Variants in ANK1 observed in about 807,000 individuals in gnomAD.
The protein encoded by ANK1 is ankyrin 1.
A neutral mutation model predicts 210.4 loss-of-function variants in ANK1; 51 were observed. The observed-to-expected ratio is 0.24, with a 90% confidence interval of 0.19 to 0.31. The LOEUF is 0.31. Ranked by LOEUF, ANK1 falls within the 10% of genes least tolerant of loss-of-function variation. The pLI, the probability that ANK1 is intolerant of heterozygous loss-of-function variation, is 1.00. For missense variants in ANK1, 2,051 were observed against 2,504.4 expected (o/e 0.82, Z 3.86); for synonymous variants, 967 against 1,025.9 (o/e 0.94, Z 1.10).
At chr8:41,760,321 A>G (rs1158125903) in intron 1 of ANK1, among the ~76,000 whole-genome samples, 2 of 152,246 alleles carry the variant, frequency 1.3e-5, no homozygotes, top group Non-Finnish European at 2.9e-5. Context: ...ATGAAAGTGA[A>G]TAAGTCTCAT....
intron 1 of ANK1, among the ~76,000 whole-genome samples, chr8:41,855,094 A>C (rs897985044): frequency 6.6e-6 from 1 of 152,214 alleles, no homozygotes; most frequent in African/African-American, 2.4e-5. Context: ...CTCAGAGACT[A>C]TGTCTTATTC....
intron 1 of ANK1, among the ~76,000 whole-genome samples, chr8:41,767,450 G>A (rs1285231240): frequency 5.9e-5 from 9 of 151,706 alleles, no homozygotes; most frequent in African/African-American, 1.9e-4. Flanking sequence ...TGGGCGGCGC[G>A]GGGAGCGCCA....
intron 1 of ANK1, among the ~76,000 whole-genome samples, chr8:41,859,127 C>A (rs918192805): frequency 1.3e-5 from 2 of 152,196 alleles, no homozygotes; most frequent in African/African-American, 4.8e-5. Flanking sequence ...AGAGCGCAGG[C>A]CCCCCACGGG....
At chr8:41,770,738 C>G (rs1036101229) in intron 1 of ANK1, among the ~76,000 whole-genome samples, 1 of 152,206 alleles carries the variant, frequency 6.6e-6, no homozygotes, top group African/African-American at 2.4e-5. Context: ...AGGCAAGGCC[C>G]AAGAGGAGGA....
chr8:41,713,199 A>T (rs1826652871), intron 16 of ANK1, among the ~76,000 whole-genome samples: 1 of 152,104 alleles, frequency 6.6e-6, no homozygotes, highest in Admixed American at 6.5e-5. Flanking sequence ...CACATGACGG[A>T]TCTCCCATAA....
intron 11 of ANK1, 118 bp from the exon 12 acceptor site, chr8:41,717,820 TG>T (rs1828132858): frequency 1.9e-6 from 2 of 1,056,760 alleles, no homozygotes; most frequent in East Asian, 5.2e-5. Flanking sequence ...GGGAGCTATA[TG>T]AGGTGGGTTT....
chr8:41,781,818 G>A (rs1845390516), intron 1 of ANK1, among the ~76,000 whole-genome samples: 1 of 152,176 alleles, frequency 6.6e-6, no homozygotes, highest in Non-Finnish European at 1.5e-5. Flanking sequence ...AGGCCAAGAG[G>A]GCTGGGGGCA....
intron 15 of ANK1, among the ~76,000 whole-genome samples, 192 bp from the exon 16 acceptor site, chr8:41,714,446 C>T (rs1236835220): frequency 2.0e-5 from 3 of 152,118 alleles, no homozygotes; most frequent in East Asian, 1.9e-4. Flanking sequence ...CAGGGGGGAA[C>T]GTGGGCAGTG....
intron 1 of ANK1, among the ~76,000 whole-genome samples, chr8:41,760,904 A>G (rs532252455): frequency 2.0e-5 from 3 of 151,942 alleles, no homozygotes; most frequent in Non-Finnish European, 4.4e-5. Context: ...ATGCCCTCCT[A>G]AAAAAAACAT....
chr8:41,673,641 C>T (rs552559492), intron 37 of ANK1, among the ~76,000 whole-genome samples: 110 of 152,268 alleles, frequency 7.2e-4, no homozygotes, highest in African/African-American at 2.6e-3. Context: ...TCTGCCCGCC[C>T]CAAAACCCTG....
chr8:41,709,910 G>A (rs564142483), intron 16 of ANK1, among the ~76,000 whole-genome samples: 21 of 152,192 alleles, frequency 1.4e-4, no homozygotes, highest in Admixed American at 2.6e-4. Flanking sequence ...GCCTGGAGCA[G>A]AGTAAGACCC....
chr8:41,655,672 G>A lies in ANK1; in HGVS notation c.*118C>T. ...AGCCCAGAGGAATGTGTGCACCGCT[G>A]CGGTGGCCCTCAGGTCCAGCTCTCC... On this transcript the variant is annotated 3_prime_UTR_variant, in exon 43 of 43. Transcript: ENST00000289734. The A allele has an allele frequency of 6.3e-7, 1 of 1,593,912 alleles. No individual in the cohort carries two copies. The highest frequency in any genetic ancestry group is 8.6e-7 in the Non-Finnish European group (1 of 1,162,000).
chr8:41,826,276 G>A (rs1397785709), intron 1 of ANK1, among the ~76,000 whole-genome samples: 4 of 152,154 alleles, frequency 2.6e-5, no homozygotes, highest in East Asian at 1.9e-4. Context: ...ACCCCATGGG[G>A]TCTAAGTTAC....
chr8:41,678,513 G>C (rs904537638), intron 37 of ANK1, among the ~76,000 whole-genome samples: 3 of 152,208 alleles, frequency 2.0e-5, no homozygotes, highest in African/African-American at 7.2e-5. Flanking sequence ...TAGGTCACTT[G>C]AAATTGCCCC....
chr8:41,830,159 G>A (rs1806328445), intron 1 of ANK1, among the ~76,000 whole-genome samples: 1 of 151,134 alleles, frequency 6.6e-6, no homozygotes, highest in Admixed American at 6.6e-5. Flanking sequence ...TTGGGCAAGG[G>A]GCACTGCAGT....
chr8:41,723,786 TTTTTTA>T, intron 7 of ANK1, among the ~76,000 whole-genome samples, 153 bp from the exon 8 acceptor site: 1 of 150,250 alleles, frequency 6.7e-6, no homozygotes, highest in African/African-American at 2.4e-5. Flanking sequence ...TTTTTTTTTA[TTTTTTA>T]TTTTTTTTTT....
intron 37 of ANK1, among the ~76,000 whole-genome samples, chr8:41,676,733 A>C (rs372908934): frequency 4.0e-4 from 61 of 152,318 alleles, no homozygotes; most frequent in Admixed American, 7.2e-4. Flanking sequence ...TCTATGACCC[A>C]TTTAGAGTTG....
intron 38 of ANK1, among the ~76,000 whole-genome samples, chr8:41,671,560 A>C (rs1329599091): frequency 5.6e-5 from 8 of 143,470 alleles, no homozygotes; most frequent in Non-Finnish European, 1.2e-4. Context: ...TGAGCACTCC[A>C]GGTACCCTAA....
intron 1 of ANK1, among the ~76,000 whole-genome samples, chr8:41,834,250 G>C (rs553859947): frequency 6.6e-6 from 1 of 152,226 alleles, no homozygotes; most frequent in Non-Finnish European, 1.5e-5. Context: ...CCATGGCCAC[G>C]GGGCAGAAAG....
Sources: allele counts gnomAD v4.1 joint callset (sites outside exome capture counted in the v4.1 genomes callset), GRCh38; gene constraint gnomAD v4.1.1; transcripts MANE v1.5; gene names NCBI Gene and HGNC (gene_info 2026-07-23, HGNC 2026-07-21).